The following KLB variants were observed in gnomAD, a reference collection of about 807,000 sequenced individuals.
KLB encodes the protein beta-klotho.
A neutral mutation model predicts 88.4 loss-of-function variants in KLB; 44 were observed. The ratio of observed to expected loss-of-function variants is 0.50; its 90% confidence interval spans 0.39 to 0.64. KLB has a LOEUF of 0.64. Among genes scored for constraint, KLB ranks in the 30% least tolerant of loss-of-function variants. KLB has a pLI of 0.00. For missense variants in KLB, 1,137 were observed against 1,304.8 expected (o/e 0.87, Z 1.98); for synonymous variants, 548 against 513.4 (o/e 1.07, Z -0.91).
At position 39,448,900 on chromosome 4, in the gene KLB, T is replaced by A; in HGVS notation, c.*214T>A. 5.7e-6 allele frequency: 3 copies of A among 528,068 alleles called. No homozygotes were observed. Among genetic ancestry groups the A allele is most frequent in the Non-Finnish European group, 1.0e-5 (3 of 299,236 alleles). 32.7% of individuals were successfully genotyped at this position (528,068 alleles called of 1,614,324 possible). The stretch of plus-strand genomic sequence containing the variant: ...CTTGGATGTAAACATAAAGGCTTCA[T>A]CCTGACAGTAAGCTATGAGGATTAC... On this transcript the variant is annotated 3_prime_UTR_variant, in exon 5 of 5. Coordinates refer to ENST00000257408, the MANE Select transcript of KLB (RefSeq NM_175737.4).
intron 3 of KLB, among the ~76,000 whole-genome samples, chr4:39,442,884 C>G (rs1488698051): frequency 6.6e-6 from 1 of 152,156 alleles, no homozygotes; most frequent in Admixed American, 6.5e-5. Flanking sequence ...AAAATACAAT[C>G]CATATTCAAT....
At chr4:39,442,682 C>G (rs1296962845) in intron 3 of KLB, among the ~76,000 whole-genome samples, 2 of 152,174 alleles carry the variant, frequency 1.3e-5, no homozygotes, top group East Asian at 3.9e-4. Context: ...ATCCACCCAC[C>G]TTGGCCTCCC....
intron 1 of KLB, among the ~76,000 whole-genome samples, chr4:39,428,776 G>T (rs895092807): frequency 6.6e-6 from 1 of 152,064 alleles, no homozygotes; most frequent in African/African-American, 2.4e-5. Context: ...GCGTGATCTC[G>T]GCTCACTGCA....
At position 39,448,778 on chromosome 4, in the gene KLB, C is replaced by CA. The variant is rs1743822439; in HGVS notation, c.*94dup. 7.3e-6 allele frequency: 9 copies of CA among 1,229,742 alleles called. No homozygotes were observed. The East Asian group carries it at 2.1e-4, about 29-fold the overall frequency. 76.2% of individuals were successfully genotyped at this position (1,229,742 alleles called of 1,614,324 possible). ...GAGATATACCTGTATTATAGAAAGA[C>CA]AATCTGAGATACAGCTGTAACCAAG... On this transcript the variant is annotated 3_prime_UTR_variant, in exon 5 of 5. Transcript: ENST00000257408.
intron 4 of KLB, 34 bp from the exon 5 acceptor site, chr4:39,448,267 T>C (rs773836033): frequency 2.0e-6 from 3 of 1,479,026 alleles, no homozygotes; most frequent in Non-Finnish European, 2.7e-6. Flanking sequence ...TCATAGTCCA[T>C]TTGTGATTAA....
At position 39,449,503 on chromosome 4, in the gene KLB, T is replaced by C. The variant is rs1743841980; in HGVS notation, c.*817T>C. The C allele has an allele frequency of 6.6e-6, 1 of 151,612 alleles. No individual in the cohort carries two copies. The highest frequency in any genetic ancestry group is 1.5e-5 in the Non-Finnish European group (1 of 67,980). The allele number at this position is 151,612 out of a possible 1,614,324, so 9.4% of individuals were successfully genotyped here. On this transcript the variant is annotated 3_prime_UTR_variant, in exon 5 of 5. Coordinates refer to ENST00000257408, the MANE Select transcript of KLB (RefSeq NM_175737.4). ...TGGAAAGAAAACACAATAGGGTAAG[T>C]AGTGCTTGTCTAAGCCAGTTACAAC...
In KLB at chr4:39,446,634, C is replaced by T. The variant is rs267600149; in HGVS notation, c.1908C>T (p.Ser636=). 2 of 1,613,528 alleles carry T rather than the reference C, an allele frequency of 1.2e-6. No individual in the cohort carries two copies. Among genetic ancestry groups the T allele is most frequent in the African/African-American group, 2.7e-5 (2 of 74,908 alleles). ...GTGAGGGGCTGAAGCTTGGCATCTC[C>T]GCGATGGTCACCCTGTATTATCCGA... The part of the protein sequence containing the change: ...VVSEGLKLGI[S]AMVTLYYPTH... The change falls in exon 4 of 5, where the codon TCC becomes TCT. Residue 636 remains serine (S), a synonymous_variant. Coordinates refer to ENST00000257408, the MANE Select transcript of KLB (RefSeq NM_175737.4). The surrounding 1 kb of genome is among the most constrained non-coding windows in gnomAD (Gnocchi z 6.4).
At chr4:39,435,992 A>T (rs1305493445) in intron 2 of KLB, among the ~76,000 whole-genome samples, 1 of 152,162 alleles carries the variant, frequency 6.6e-6, no homozygotes, top group African/African-American at 2.4e-5. Context: ...AAAAGGTCTG[A>T]AGACAAAATG....
intron 1 of KLB, among the ~76,000 whole-genome samples, chr4:39,425,768 A>G (rs1469999803): frequency 6.6e-6 from 1 of 152,184 alleles, no homozygotes; most frequent in Non-Finnish European, 1.5e-5. Context: ...TAATGATTGA[A>G]AAAGAATAGG....
Position 39,446,886 on chromosome 4 carries a change from C to T in KLB, c.2160C>T (p.Ala720=), listed in dbSNP as rs1296024343. The change falls in exon 4 of 5, where the codon GCC becomes GCT. Residue 720 remains alanine (A), a synonymous_variant. Transcript: ENST00000257408. The surrounding 1 kb of genome is among the most constrained non-coding windows in gnomAD (Gnocchi z 6.4). ...GAAHNLLVAH[A]LAWRLYDRQF... ...CGCACAACCTGCTGGTGGCCCACGCCCTGGCCTGGCGCCTCTACGACCGGC... is the reference window on the plus strand; with the variant it reads ...CGCACAACCTGCTGGTGGCCCACGCTCTGGCCTGGCGCCTCTACGACCGGC... 1 of 1,608,092 alleles carries T rather than the reference C, an allele frequency of 6.2e-7. No individual in the cohort carries two copies. Among genetic ancestry groups the T allele is most frequent in the Non-Finnish European group, 8.5e-7 (1 of 1,179,634 alleles).
chr4:39,409,041 G>T (rs1470702456), intron 1 of KLB, among the ~76,000 whole-genome samples: 1 of 151,092 alleles, frequency 6.6e-6, no homozygotes, highest in African/African-American at 2.4e-5. Context: ...AACTTTTCTG[G>T]ATTATTACAC....
In KLB at chr4:39,434,323, G is replaced by T. The variant is rs775693690; in HGVS notation, c.939G>T (p.Thr313=). The T allele has an allele frequency of 6.2e-7, 1 of 1,614,188 alleles. No individual in the cohort carries two copies. Among genetic ancestry groups the T allele is most frequent in the Non-Finnish European group, 8.5e-7 (1 of 1,180,036 alleles). The change falls in exon 2 of 5, where the codon ACG becomes ACT. Residue 313 remains threonine (T), a synonymous_variant. Coordinates refer to ENST00000257408, the MANE Select transcript of KLB (RefSeq NM_175737.4). ...HWIEPNRSEN[T]MDIFKCQQSM... The stretch of plus-strand genomic sequence containing the variant: ...TCGAGCCAAACCGGTCGGAAAACAC[G>T]ATGGATATATTCAAATGTCAACAAT...
intron 1 of KLB, among the ~76,000 whole-genome samples, chr4:39,414,961 G>T (rs1193940324): frequency 6.6e-6 from 1 of 151,190 alleles, no homozygotes; most frequent in Non-Finnish European, 1.5e-5. Context: ...ATAACATTGT[G>T]TTTCACAAAG....
intron 1 of KLB, among the ~76,000 whole-genome samples, chr4:39,416,965 C>T (rs894302183): frequency 2.6e-5 from 4 of 151,986 alleles, no homozygotes; most frequent in African/African-American, 9.7e-5. Context: ...TTGCCCAAAT[C>T]CCCCACCAAT....
chr4:39,415,704 T>C (rs1742950522), intron 1 of KLB, among the ~76,000 whole-genome samples: 1 of 152,146 alleles, frequency 6.6e-6, no homozygotes, highest in South Asian at 2.1e-4. Context: ...GTCAATAAAG[T>C]ATATTTACAT....
At chr4:39,435,789 G>T (rs1673893092) in intron 2 of KLB, among the ~76,000 whole-genome samples, 1 of 152,148 alleles carries the variant, frequency 6.6e-6, no homozygotes, top group Non-Finnish European at 1.5e-5. Flanking sequence ...TAAAATAAAA[G>T]TTTGAGAACA....
At chr4:39,443,370 C>T (rs979029373) in intron 3 of KLB, among the ~76,000 whole-genome samples, 1 of 151,102 alleles carries the variant, frequency 6.6e-6, no homozygotes, top group African/African-American at 2.4e-5. Flanking sequence ...TCCCTCCTCC[C>T]TACTCCCCCC....
chr4:39,437,893 G>A lies in KLB; in HGVS notation c.1503G>A (p.Gln501=), dbSNP rs1743515061. The A allele has an allele frequency of 1.9e-6, 3 of 1,614,154 alleles. No individual in the cohort carries two copies. The change falls in exon 3 of 5, where the codon CAG becomes CAA. Residue 501 remains glutamine (Q), a synonymous_variant. Coordinates refer to ENST00000257408, the MANE Select transcript of KLB (RefSeq NM_175737.4). ...KPKSSAHYYK[Q]IIRENGFSLK... ...AGTCTTCAGCACACTACTACAAACA[G>A]ATCATACGAGAAAATGGTTTTTCTT... is the stretch of plus-strand genomic sequence containing the variant.
chr4:39,447,012 G>C lies in KLB; in HGVS notation c.2286G>C (p.Glu762Asp), dbSNP rs1268881310. The part of the protein sequence containing the change: ...PYADSHWRAA[E>D]RFLQFEIAWF... ...CTGACTCGCACTGGAGGGCGGCCGA[G>C]CGCTTCCTGCAGTTCGAGATCGCCT... The change falls in exon 4 of 5, where the codon GAG becomes GAC. Residue 762 changes from glutamate (E) to aspartate (D), a missense_variant. By Grantham distance (45) the Glu-to-Asp change is conservative. This residue lies in a region of KLB where 426 missense variants were observed against 404.6 expected (regional missense o/e 1.05). Transcript: ENST00000257408. 1.9e-6 allele frequency: 3 copies of C among 1,610,734 alleles called. No individual in the cohort carries two copies. In the Admixed American group the frequency reaches 5.0e-5, roughly 27 times the overall value.
Sources: allele counts gnomAD v4.1 joint callset (sites outside exome capture counted in the v4.1 genomes callset), GRCh38; gene constraint gnomAD v4.1.1; regional missense constraint gnomAD v4.1.1; non-coding constraint Gnocchi (gnomAD v3.1); transcripts MANE v1.5; gene names NCBI Gene and HGNC (gene_info 2026-07-23, HGNC 2026-07-21).